Variants in KLHL3 observed in about 807,000 individuals in gnomAD.
KLHL3 encodes the protein kelch-like protein 3.
A neutral mutation model predicts 70.5 loss-of-function variants in KLHL3; 19 were observed. The ratio of observed to expected loss-of-function variants is 0.27; its 90% confidence interval spans 0.19 to 0.40. The LOEUF (loss-of-function observed/expected upper bound fraction) is 0.40, where lower values mean the gene tolerates loss of function less well. KLHL3 is among the 10% of genes least tolerant of loss of function. KLHL3 has a pLI of 1.00. For missense variants in KLHL3, 512 were observed against 771.1 expected, an observed-to-expected ratio of 0.66 and a Z score of 3.98; for synonymous variants, 258 against 290.3, an observed-to-expected ratio of 0.89 and a Z score of 1.13.
chr5:137,719,607 C>T (rs1190522240), intron 2 of KLHL3, among the ~76,000 whole-genome samples: 1 of 152,184 alleles, frequency 6.6e-6, no homozygotes, highest in African/African-American at 2.4e-5. Flanking sequence ...GTCAAACATG[C>T]ACATTGGCCT....
chr5:137,700,906 T>C (rs1374109516), intron 3 of KLHL3, among the ~76,000 whole-genome samples: 2 of 152,226 alleles, frequency 1.3e-5, no homozygotes, highest in Non-Finnish European at 2.9e-5. Flanking sequence ...TAATAGTCAC[T>C]ACTGTATACC....
chr5:137,709,664 C>G, intron 3 of KLHL3, 86 bp downstream of exon 3: 3 of 1,035,666 alleles, frequency 2.9e-6, no homozygotes, highest in Non-Finnish European at 4.5e-6. Flanking sequence ...TCTCTTTCCT[C>G]CCTCCCCTCA....
intron 11 of KLHL3, among the ~76,000 whole-genome samples, chr5:137,635,612 G>C (rs1473891931): frequency 2.0e-5 from 3 of 152,154 alleles, no homozygotes; most frequent in Non-Finnish European, 4.4e-5. Context: ...GCCAGACAGT[G>C]TGGAGAGCTG....
At chr5:137,650,571 G>T (rs1442940280) in intron 8 of KLHL3, among the ~76,000 whole-genome samples, 3 of 152,156 alleles carry the variant, frequency 2.0e-5, no homozygotes, top group Non-Finnish European at 4.4e-5. Flanking sequence ...TGTAATCCCA[G>T]CACTTTGGGA....
At chr5:137,693,272 T>C (rs1182047695) in intron 4 of KLHL3, among the ~76,000 whole-genome samples, 2 of 152,170 alleles carry the variant, frequency 1.3e-5, no homozygotes, top group Admixed American at 1.3e-4. Context: ...AGAACATCTT[T>C]AGGTACATTC....
intron 5 of KLHL3, among the ~76,000 whole-genome samples, chr5:137,680,764 G>A (rs1409003477): frequency 6.6e-6 from 1 of 151,866 alleles, no homozygotes; most frequent in African/African-American, 2.4e-5. Flanking sequence ...GGCTGGTCTC[G>A]AACTCCTGAC....
Position 137,702,304 on chromosome 5 carries a change from T to A in KLHL3, c.242-3896A>T, listed in dbSNP as rs147713960. Among the ~76,000 whole-genome samples the A allele has an allele frequency of 4.1e-4, 63 of 152,336 alleles. No homozygotes were observed. The East Asian group carries it at 0.012, about 29-fold the overall frequency. On this transcript the variant is annotated intron_variant, in intron 3 of 14. Coordinates refer to ENST00000309755, the MANE Select transcript of KLHL3 (RefSeq NM_017415.3). ...GATAGAGTCCATTGTTTTCATCAGATTGATGCATAATGGTTAAGAGTCACT... is the reference window on the plus strand; with the variant it reads ...GATAGAGTCCATTGTTTTCATCAGAATGATGCATAATGGTTAAGAGTCACT...
intron 3 of KLHL3, among the ~76,000 whole-genome samples, chr5:137,701,037 CT>C (rs1209653870): frequency 2.4e-4 from 36 of 147,226 alleles, no homozygotes; most frequent in Admixed American, 8.1e-4. Flanking sequence ...ACTGGCATTT[CT>C]TTTTTTTTTT....
intron 5 of KLHL3, among the ~76,000 whole-genome samples, chr5:137,679,515 G>A (rs1301493716): frequency 2.0e-5 from 3 of 152,156 alleles, no homozygotes; most frequent in Admixed American, 6.5e-5. Context: ...AGGTAAGAAA[G>A]TAAAATTCTA....
chr5:137,660,215 G>A (rs566113775), intron 7 of KLHL3, among the ~76,000 whole-genome samples: 1 of 152,276 alleles, frequency 6.6e-6, no homozygotes, highest in Non-Finnish European at 1.5e-5. Flanking sequence ...TCTAAATTCT[G>A]CTTTGGCATA....
intron 1 of KLHL3, among the ~76,000 whole-genome samples, chr5:137,724,554 CG>C (rs1753055706): frequency 6.6e-6 from 1 of 152,118 alleles, no homozygotes; most frequent in African/African-American, 2.4e-5. Context: ...CTAGAGCCTC[CG>C]TAAAAGAGCA....
At chr5:137,715,397 C>G (rs1287271349) in intron 2 of KLHL3, among the ~76,000 whole-genome samples, 1 of 152,136 alleles carries the variant, frequency 6.6e-6, no homozygotes, top group African/African-American at 2.4e-5. Flanking sequence ...ATGCTTTAGC[C>G]CAGGCCTCCA....
chr5:137,633,879 G>A (rs985151454), intron 12 of KLHL3, among the ~76,000 whole-genome samples, 158 bp downstream of exon 12: 9 of 152,166 alleles, frequency 5.9e-5, no homozygotes, highest in Non-Finnish European at 8.8e-5. Context: ...CACTATTTGC[G>A]TGATGGGTAC....
At chr5:137,631,163 G>C (rs542299051) in intron 12 of KLHL3, among the ~76,000 whole-genome samples, 100 of 148,754 alleles carry the variant, frequency 6.7e-4, no homozygotes, top group Middle Eastern at 3.6e-3. Context: ...CAGTCTTCCC[G>C]CCAGGATCAG....
chr5:137,641,620 A>C (rs1750916075), intron 8 of KLHL3, among the ~76,000 whole-genome samples: 1 of 152,220 alleles, frequency 6.6e-6, no homozygotes, highest in Non-Finnish European at 1.5e-5. Context: ...ACATCCCTCA[A>C]GTGAACACTT....
chr5:137,619,234 C>T lies in KLHL3; in HGVS notation c.*2864G>A, dbSNP rs764637925. ...GCATCTTAGGGGATATTGCAACTGG[C>T]TTGTCGGGAACTAGAATTAAGTATT... On this transcript the variant is annotated 3_prime_UTR_variant, in exon 15 of 15. Transcript: ENST00000309755. 6.6e-6 allele frequency: 1 copy of T among 152,598 alleles called. No individual in the cohort carries two copies. Among genetic ancestry groups the T allele is most frequent in the Non-Finnish European group, 1.5e-5 (1 of 68,036 alleles). 9.5% of individuals were successfully genotyped at this position (152,598 alleles called of 1,614,324 possible).
At chr5:137,722,743 C>T (rs1753019632) in intron 1 of KLHL3, among the ~76,000 whole-genome samples, 1 of 151,828 alleles carries the variant, frequency 6.6e-6, no homozygotes, top group East Asian at 1.9e-4. Context: ...CAGATCTTGG[C>T]TCAACCTCCG....
intron 1 of KLHL3, among the ~76,000 whole-genome samples, chr5:137,727,108 T>C (rs1483664759): frequency 6.6e-6 from 1 of 152,044 alleles, no homozygotes; most frequent in African/African-American, 2.4e-5. Flanking sequence ...AAAATTTATG[T>C]TCCCCACCCT....
intron 8 of KLHL3, chr5:137,647,722 A>G: frequency 2.5e-6 from 1 of 404,502 alleles, no homozygotes. Context: ...CCTGAGCAAC[A>G]GTTGCTCTAG....
Sources: gnomAD v4.1 joint callset for allele counts (sites outside exome capture counted in the v4.1 genomes callset) on GRCh38, gnomAD v4.1.1 for gene constraint, MANE v1.5 for transcripts, NCBI Gene and HGNC (gene_info 2026-07-23, HGNC 2026-07-21) for gene names.